UNC13C: variants seen among roughly 807,000 people sequenced by gnomAD.
UNC13C encodes the protein unc-13 homolog C.
In UNC13C, 174 loss-of-function variants were observed where a neutral mutation model predicts 245.4. The observed-to-expected ratio is 0.71, with a 90% CI of 0.63 to 0.80. UNC13C has a LOEUF of 0.80. Ranked by LOEUF, UNC13C falls within the 30% of genes least tolerant of loss-of-function variation. The probability of loss-of-function intolerance (pLI) is 0.00; values close to 1 mark genes in which losing one functional copy is unlikely to be tolerated. For synonymous variants in UNC13C, 992 were observed against 895.1 expected (o/e 1.11, Z -1.93); for missense variants, 2,829 against 2,602.9 (o/e 1.09, Z -1.89).
intron 13 of UNC13C, among the ~76,000 whole-genome samples, chr15:54,302,446 C>T (rs2140949361): frequency 6.6e-6 from 1 of 152,248 alleles, no homozygotes; most frequent in South Asian, 2.1e-4. Context: ...AGTCTTTAAT[C>T]CATCTTGAGT....
intron 4 of UNC13C, among the ~76,000 whole-genome samples, chr15:54,156,836 T>G (rs2032770436): frequency 8.9e-6 from 1 of 112,064 alleles, no homozygotes; most frequent in Non-Finnish European, 1.9e-5. Flanking sequence ...ATGGGCAACA[T>G]AATTTTTGAA....
chr15:54,177,499 A>C (rs889980884), intron 4 of UNC13C, among the ~76,000 whole-genome samples: 6 of 152,174 alleles, frequency 3.9e-5, no homozygotes, highest in African/African-American at 1.4e-4. Flanking sequence ...AGCACAAGTC[A>C]GTAGTCTCTC....
chr15:54,547,785 C>G (rs906846559), intron 27 of UNC13C, among the ~76,000 whole-genome samples: 2 of 139,030 alleles, frequency 1.4e-5, no homozygotes, highest in African/African-American at 6.3e-5. Context: ...TATATAGGTT[C>G]TAAGTCACAT....
chr15:54,400,312 A>C (rs905484333), intron 18 of UNC13C, among the ~76,000 whole-genome samples: 1 of 151,972 alleles, frequency 6.6e-6, no homozygotes, highest in African/African-American at 2.4e-5. Context: ...AGGTGTTAGC[A>C]TTGCATATGG....
chr15:54,527,597 C>A (rs768572040), intron 25 of UNC13C, among the ~76,000 whole-genome samples: 1 of 151,996 alleles, frequency 6.6e-6, no homozygotes, highest in Non-Finnish European at 1.5e-5. Context: ...TTTTCTGATT[C>A]GAAAGATATC....
chr15:54,226,817 G>T (rs573005351), intron 4 of UNC13C, among the ~76,000 whole-genome samples: 30 of 152,312 alleles, frequency 2.0e-4, no homozygotes, highest in African/African-American at 6.3e-4. Context: ...TGTCTGGACA[G>T]AGGGATCATG....
rs377471098 is a variant in UNC13C, at chr15:54,619,773, CATTGT to C, written c.6107-2546_6107-2542del. Among the ~76,000 whole-genome samples the C allele has an allele frequency of 7.7e-3, 1,170 of 152,196 alleles. 12 individuals are homozygous for C. The highest frequency in any genetic ancestry group is 0.027 in the African/African-American group (1,128 of 41,532). On this transcript the variant is annotated intron_variant, in intron 30 of 32. Transcript: ENST00000260323. ...ATTGTCCACGTAATGCACATCAAAG[CATTGT>C]ATTGTATGAATGAGAAGTATGGATT...
intron 19 of UNC13C, among the ~76,000 whole-genome samples, chr15:54,475,969 G>T (rs1299052771): frequency 8.7e-6 from 1 of 114,300 alleles, no homozygotes; most frequent in South Asian, 3.3e-4. Flanking sequence ...TCCAGCACCT[G>T]TTTTTTCCTG....
At chr15:54,400,754 A>G (rs575571951) in intron 18 of UNC13C, among the ~76,000 whole-genome samples, 1 of 152,262 alleles carries the variant, frequency 6.6e-6, no homozygotes, top group African/African-American at 2.4e-5. Context: ...GTGGGTTTTT[A>G]TATTTTTTTA....
chr15:54,539,545 TA>T (rs1896148951), intron 26 of UNC13C, among the ~76,000 whole-genome samples: 1 of 152,062 alleles, frequency 6.6e-6, no homozygotes, highest in African/African-American at 2.4e-5. Context: ...TGGATCACTA[TA>T]AACACCCCAA....
chr15:54,510,582 T>C (rs1297909572), intron 23 of UNC13C, among the ~76,000 whole-genome samples: 3 of 151,802 alleles, frequency 2.0e-5, no homozygotes, highest in Non-Finnish European at 4.4e-5. Flanking sequence ...AAAGGAATTA[T>C]TAAATTGTTT....
intron 13 of UNC13C, among the ~76,000 whole-genome samples, chr15:54,318,018 C>G (rs1460346418): frequency 6.6e-6 from 1 of 151,944 alleles, no homozygotes. Context: ...GCTTATTTCA[C>G]ATAATGTCCT....
At chr15:54,097,735 AG>A (rs1412541076) in intron 2 of UNC13C, among the ~76,000 whole-genome samples, 1 of 152,170 alleles carries the variant, frequency 6.6e-6, no homozygotes, top group Non-Finnish European at 1.5e-5. Context: ...TGGTCTGCAA[AG>A]GATTTGAAAT....
Position 54,084,012 on chromosome 15 carries a change from G to A in UNC13C, c.2984-59006G>A, listed in dbSNP as rs140977259. On this transcript the variant is annotated intron_variant, in intron 2 of 32. Transcript: ENST00000260323. ...GACAGTGTTGTCCAGGGCTGTGAGTGCAGGGGGTCTTCCCAACAGTTTGGC... is the reference window on the plus strand; with the variant it reads ...GACAGTGTTGTCCAGGGCTGTGAGTACAGGGGGTCTTCCCAACAGTTTGGC... Among the ~76,000 whole-genome samples the A allele has an allele frequency of 5.6e-3, 853 of 152,344 alleles. 10 individuals carry two copies. The highest frequency in any genetic ancestry group is 0.02 in the African/African-American group (823 of 41,584).
chr15:54,628,144 T>C lies in UNC13C; in HGVS notation c.*1031T>C, dbSNP rs1901305158. 6.6e-6 allele frequency: 1 copy of C among 152,100 alleles called. No individual in the cohort carries two copies. The highest frequency in any genetic ancestry group is 1.5e-5 in the Non-Finnish European group (1 of 67,972). 9.4% of individuals were successfully genotyped at this position (152,100 alleles called of 1,614,324 possible). ...GTAATTTGTATTTATAAGCCCCAAA[T>C]GCATCAAATGCAGTAGGAGAACAAT... On this transcript the variant is annotated 3_prime_UTR_variant, in exon 33 of 33. Coordinates refer to ENST00000260323, the MANE Select transcript of UNC13C (RefSeq NM_001080534.3).
At chr15:54,624,796 T>C (rs931660143) in intron 32 of UNC13C, among the ~76,000 whole-genome samples, 18 of 151,860 alleles carry the variant, frequency 1.2e-4, no homozygotes, top group Admixed American at 4.6e-4. Flanking sequence ...CATGAAAGAG[T>C]AATTCCCGAA....
At chr15:54,372,574 C>T (rs559001271) in intron 17 of UNC13C, among the ~76,000 whole-genome samples, 3 of 152,102 alleles carry the variant, frequency 2.0e-5, no homozygotes, top group Admixed American at 6.6e-5. Flanking sequence ...TATTTATATA[C>T]TTTATTATCT....
intron 12 of UNC13C, 30 bp downstream of exon 12, chr15:54,297,956 A>C: frequency 7.7e-7 from 1 of 1,302,184 alleles, no homozygotes; most frequent in Non-Finnish European, 1.1e-6. Flanking sequence ...CTAATACAAA[A>C]TATAAGAAAT....
At chr15:54,254,378 T>C (rs1165908562) in intron 8 of UNC13C, among the ~76,000 whole-genome samples, 1 of 152,204 alleles carries the variant, frequency 6.6e-6, no homozygotes, top group East Asian at 1.9e-4. Flanking sequence ...TTTTGACATT[T>C]TACTCTTTCA....
Sources: allele counts gnomAD v4.1 joint callset (sites outside exome capture counted in the v4.1 genomes callset), GRCh38; gene constraint gnomAD v4.1.1; transcripts MANE v1.5; gene names NCBI Gene and HGNC (gene_info 2026-07-23, HGNC 2026-07-21).